CNTN1: variants seen among roughly 807,000 people sequenced by gnomAD.
The protein encoded by CNTN1 is contactin 1.
A neutral mutation model predicts 126.4 loss-of-function variants in CNTN1; 38 were observed. The ratio of observed to expected loss-of-function variants is 0.30; its 90% CI spans 0.23 to 0.39. The LOEUF is 0.39. Ranked by LOEUF, CNTN1 falls within the 10% of genes least tolerant of loss-of-function variation. The pLI, the probability that CNTN1 is intolerant of heterozygous loss-of-function variation, is 1.00. For missense variants in CNTN1, 1,009 were observed against 1,248.4 expected, an observed-to-expected ratio of 0.81 and a Z score of 2.89; for synonymous variants, 413 against 422.6, an observed-to-expected ratio of 0.98 and a Z score of 0.28.
chr12:41,054,662 T>C (rs1949762457), intron 23 of CNTN1, among the ~76,000 whole-genome samples: 1 of 152,072 alleles, frequency 6.6e-6, no homozygotes, highest in Non-Finnish European at 1.5e-5. Context: ...ATAAGGTACT[T>C]CACATAGAAT....
intron 10 of CNTN1, among the ~76,000 whole-genome samples, chr12:40,937,314 C>T (rs1002913725): frequency 1.3e-5 from 2 of 152,066 alleles, no homozygotes; most frequent in African/African-American, 4.8e-5. Flanking sequence ...TACCTTCCCA[C>T]TGTAATCTCC....
At chr12:40,938,225 T>G (rs1187898687) in intron 11 of CNTN1, among the ~76,000 whole-genome samples, 1 of 152,188 alleles carries the variant, frequency 6.6e-6, no homozygotes, top group Non-Finnish European at 1.5e-5. Context: ...AGTCTGAGCA[T>G]GACATCAATG....
intron 13 of CNTN1, 52 bp downstream of exon 13, chr12:40,943,776 T>C: frequency 6.3e-7 from 1 of 1,591,612 alleles, no homozygotes. Context: ...AAAACATGAT[T>C]CAGCACTAAG....
intron 1 of CNTN1, among the ~76,000 whole-genome samples, chr12:40,880,952 C>T (rs1943850228): frequency 6.6e-6 from 1 of 152,020 alleles, no homozygotes; most frequent in African/African-American, 2.4e-5. Flanking sequence ...AGGTCAGAAG[C>T]TTATCTCTTA....
chr12:41,057,877 A>G (rs1404835288), intron 23 of CNTN1, among the ~76,000 whole-genome samples: 1 of 152,146 alleles, frequency 6.6e-6, no homozygotes. Flanking sequence ...TTCTAGAGCT[A>G]TACTGGAGAT....
At chr12:40,698,411 TATTTTTA>T (rs1381655155) in intron 1 of CNTN1, among the ~76,000 whole-genome samples, 2 of 151,842 alleles carry the variant, frequency 1.3e-5, no homozygotes, top group African/African-American at 4.8e-5. Flanking sequence ...AATTTTTTTG[TATTTTTA>T]GTAGAGATGG....
chr12:40,812,616 A>G (rs1372587586), intron 1 of CNTN1, among the ~76,000 whole-genome samples: 3 of 152,138 alleles, frequency 2.0e-5, no homozygotes, highest in Non-Finnish European at 4.4e-5. Flanking sequence ...TACAATGGTT[A>G]TATCTTGATG....
At chr12:40,796,462 T>C (rs1260262946) in intron 1 of CNTN1, among the ~76,000 whole-genome samples, 3 of 151,972 alleles carry the variant, frequency 2.0e-5, no homozygotes, top group African/African-American at 7.2e-5. Flanking sequence ...TCAAAATCTC[T>C]AGGAGTGGGG....
Position 40,802,700 on chromosome 12 carries a change from A to G in CNTN1, c.-76-105657A>G, listed in dbSNP as rs554267380. 9.2e-5 allele frequency among the ~76,000 whole-genome samples: 14 copies of G among 152,154 alleles called. No individual in the cohort carries two copies. In the South Asian group the frequency reaches 2.9e-3, roughly 31 times the overall value. On this transcript the variant is annotated intron_variant, in intron 1 of 23. Transcript: ENST00000551295. ...CTTGTTTGATGAGAAGGATGAACAA[A>G]AAAAGCAGTGGCATGGTGAAAGACT... is the stretch of plus-strand genomic sequence containing the variant.
intron 1 of CNTN1, among the ~76,000 whole-genome samples, chr12:40,709,186 C>T (rs553190973): frequency 6.6e-6 from 1 of 152,328 alleles, no homozygotes; most frequent in South Asian, 2.1e-4. Flanking sequence ...TGTTAGCAGT[C>T]ATGAAAATAA....
At chr12:40,963,437 C>T (rs1255558583) in intron 15 of CNTN1, among the ~76,000 whole-genome samples, 1 of 151,784 alleles carries the variant, frequency 6.6e-6, no homozygotes, top group East Asian at 1.9e-4. Context: ...CAGAATCACC[C>T]CTTTAAGACA....
At chr12:40,986,344 T>C (rs1420459281) in intron 16 of CNTN1, among the ~76,000 whole-genome samples, 2 of 152,242 alleles carry the variant, frequency 1.3e-5, no homozygotes, top group Admixed American at 6.5e-5. Context: ...TATTAATTGA[T>C]GTCTGGGAAA....
At chr12:40,806,258 T>C (rs946858301) in intron 1 of CNTN1, among the ~76,000 whole-genome samples, 2 of 152,150 alleles carry the variant, frequency 1.3e-5, no homozygotes, top group African/African-American at 2.4e-5. Flanking sequence ...CAACTGGTCT[T>C]GGCAGAGAGT....
At chr12:41,061,064 A>G (rs955707877) in intron 23 of CNTN1, among the ~76,000 whole-genome samples, 8 of 152,212 alleles carry the variant, frequency 5.3e-5, no homozygotes, top group African/African-American at 1.9e-4. Flanking sequence ...AGTGAGTGGT[A>G]ACAGTATGCA....
chr12:40,933,836 A>T lies in CNTN1; in HGVS notation c.943A>T (p.Ile315Phe), dbSNP rs1945984258. 1 of 1,612,562 alleles carries T rather than the reference A, an allele frequency of 6.2e-7. No individual in the cohort carries two copies. Among genetic ancestry groups the T allele is most frequent in the South Asian group, 1.1e-5 (1 of 91,048 alleles). The change falls in exon 9 of 24, where the codon ATT (isoleucine) becomes TTT (phenylalanine). Residue 315 changes from isoleucine (I) to phenylalanine (F), a missense_variant. Transcript: ENST00000551295. ...EGIYECEAEN[I>F]RGKDKHQARI... ...CATCTATGAATGTGAGGCTGAGAAC[A>T]TTAGAGGAAAGGATAAACATCAAGC...
chr12:40,969,938 C>T (rs980819454), intron 15 of CNTN1, among the ~76,000 whole-genome samples: 3 of 152,138 alleles, frequency 2.0e-5, no homozygotes, highest in African/African-American at 4.8e-5. Flanking sequence ...AATGGTCTAA[C>T]GTCCGTCACT....
At position 41,016,819 on chromosome 12, in the gene CNTN1, G is replaced by A; in HGVS notation, c.2322G>A (p.Met774Ile). 6.2e-7 allele frequency: 1 copy of A among 1,614,074 alleles called. No individual in the cohort carries two copies. The highest frequency in any genetic ancestry group is 8.5e-7 in the Non-Finnish European group (1 of 1,180,002). ...GATATGTCCATAAAGATGAAACCAT[G>A]AGCCCTTCCACTGCATTTCAAGTTA... Reference protein sequence around the residue: ...TGRYVHKDETMSPSTAFQVKV... With the variant: ...TGRYVHKDETISPSTAFQVKV... Residue 774 changes from methionine to isoleucine, a missense_variant, in exon 19 of 24, where the codon ATG (methionine) becomes ATA (isoleucine). Physicochemically the swap from Met to Ile is conservative, Grantham distance 10. Transcript: ENST00000551295.
intron 23 of CNTN1, among the ~76,000 whole-genome samples, chr12:41,042,362 T>C (rs1949435340): frequency 6.6e-6 from 1 of 152,050 alleles, no homozygotes; most frequent in Admixed American, 6.6e-5. Context: ...GGAATAGGTG[T>C]GGTGTGGTGC....
rs559238131 is a variant in CNTN1, at chr12:40,705,089, T to C, written c.-77+12497T>C. Among the ~76,000 whole-genome samples the C allele has an allele frequency of 5.3e-4, 80 of 152,302 alleles. 2 individuals carry two copies. In the South Asian group the frequency reaches 0.016, roughly 30 times the overall value. On this transcript the variant is annotated intron_variant, in intron 1 of 23. Coordinates refer to ENST00000551295, the MANE Select transcript of CNTN1 (RefSeq NM_001843.4). The stretch of plus-strand genomic sequence containing the variant: ...TTCTTTGTTTCCTCTTTACTTTCTG[T>C]CTCTTTTTAGTGCCTTCATTGTTCA...
Sources: allele counts gnomAD v4.1 joint callset (sites outside exome capture counted in the v4.1 genomes callset), GRCh38; gene constraint gnomAD v4.1.1; transcripts MANE v1.5; gene names NCBI Gene and HGNC (gene_info 2026-07-23, HGNC 2026-07-21).